HMSD: variants seen among roughly 807,000 people sequenced by gnomAD.
HMSD encodes the protein serpin-like protein HMSD.
Under a neutral mutation model 10.0 loss-of-function variants are expected in HMSD, and 13 were observed. The observed-to-expected ratio is 1.31, with a 90% confidence interval of 0.85 to 2.08. The LOEUF (loss-of-function observed/expected upper bound fraction) is 2.08, where lower values mean the gene tolerates loss of function less well. Among genes scored for constraint, HMSD ranks in the 30% most tolerant of loss-of-function variants. The probability of loss-of-function intolerance (pLI) is 0.00; values close to 1 mark genes in which losing one functional copy is unlikely to be tolerated. For synonymous variants in HMSD, 51 were observed against 54.2 expected (o/e 0.94, Z 0.26); for missense variants, 169 against 166.3 (o/e 1.02, Z -0.09).
At chr18:63,962,751 A>G (rs768754536), downstream of HMSD, among the ~76,000 whole-genome samples, 17 of 152,184 alleles carry the variant, frequency 1.1e-4, no homozygotes, top group Non-Finnish European at 1.9e-4. Flanking sequence ...TTGGAGACTG[A>G]GAAGATGGAG....
At chr18:63,950,280 G>C (rs1467174642) in intron 1 of HMSD, among the ~76,000 whole-genome samples, 2 of 151,726 alleles carry the variant, frequency 1.3e-5, no homozygotes, top group Admixed American at 6.6e-5. Flanking sequence ...GCCGGGTGTC[G>C]TGACATGGGC....
intron 3 of HMSD, chr18:63,968,357 ACAC>A (rs1423283356): frequency 6.6e-6 from 1 of 152,242 alleles, no homozygotes; most frequent in African/African-American, 2.4e-5. Flanking sequence ...GAACGAAGAA[ACAC>A]CACCAACAGC....
At chr18:63,967,126 G>A (rs531298439) in intron 3 of HMSD, among the ~76,000 whole-genome samples, 3 of 137,612 alleles carry the variant, frequency 2.2e-5, no homozygotes, top group South Asian at 4.5e-4. Flanking sequence ...TTGGAACTCC[G>A]GTGAGACTCT....
chr18:63,968,464 T>C (rs1568262799), intron 3 of HMSD: 1 of 152,288 alleles, frequency 6.6e-6, no homozygotes, highest in East Asian at 1.9e-4. Flanking sequence ...CAGGCCTGGA[T>C]ACGTCATGGT....
chr18:63,953,883 G>T (rs1485713868), intron 2 of HMSD, among the ~76,000 whole-genome samples: 1 of 152,252 alleles, frequency 6.6e-6, no homozygotes, highest in African/African-American at 2.4e-5. Context: ...TGGGCTTCTC[G>T]ACCACGGTAG....
chr18:63,963,088 T>C (rs1476720768), downstream of HMSD, among the ~76,000 whole-genome samples: 1 of 99,892 alleles, frequency 1.0e-5, no homozygotes, highest in Non-Finnish European at 2.0e-5. Context: ...TTTCTTTCTT[T>C]CTTTCTTTCT....
chr18:63,957,242 A>C lies in HMSD; in HGVS notation c.222+2685A>C, dbSNP rs1293453660. 3.3e-5 allele frequency among the ~76,000 whole-genome samples: 5 copies of C among 152,162 alleles called. No individual in the cohort carries two copies. The East Asian group carries it at 9.6e-4, about 29-fold the overall frequency. ...ACCTAAAATAAAGTTTTTAAAAAAGAATCTGAGATGGAATATTTACAACAT... is the reference window on the plus strand; with the variant it reads ...ACCTAAAATAAAGTTTTTAAAAAAGCATCTGAGATGGAATATTTACAACAT... On this transcript the variant is annotated intron_variant, in intron 3 of 3. Coordinates refer to ENST00000408945, the MANE Select transcript of HMSD (RefSeq NM_001123366.2).
downstream of HMSD, among the ~76,000 whole-genome samples, chr18:63,964,397 G>A (rs1722782594): frequency 6.6e-6 from 1 of 152,096 alleles, no homozygotes; most frequent in Admixed American, 6.6e-5. Context: ...AAAATTAACT[G>A]GGCATGGTGG....
downstream of HMSD, among the ~76,000 whole-genome samples, chr18:63,963,227 G>GCTTC (rs1377691451): frequency 4.5e-5 from 3 of 66,266 alleles, no homozygotes; most frequent in South Asian, 1.2e-3. Context: ...TTCCTTCCTT[G>GCTTC]CTTCCTTCCT....
chr18:63,952,288 T>TAAA (rs1002839127), intron 1 of HMSD, among the ~76,000 whole-genome samples: 1 of 146,670 alleles, frequency 6.8e-6, no homozygotes, highest in Non-Finnish European at 1.5e-5. Flanking sequence ...AGTATAATAA[T>TAAA]AAAAAAAAAA....
intron 3 of HMSD, 45 bp downstream of exon 3, chr18:63,954,602 T>G: frequency 6.4e-7 from 1 of 1,550,608 alleles, no homozygotes. Flanking sequence ...AGCAATGTGG[T>G]GGGAAGTAGG....
chr18:63,963,046 TTTTCTTTCTTTCTTTCTTTTCTTTCTC>T (rs1295544494), downstream of HMSD, among the ~76,000 whole-genome samples: 21 of 125,432 alleles, frequency 1.7e-4, no homozygotes, highest in African/African-American at 6.6e-4. Flanking sequence ...TCAGATGTAG[TTTTCTTTCTTTCTTTCTTTTCTTTCTC>T]TTTCTTTCTT....
At chr18:63,952,232 A>G (rs946652822) in intron 1 of HMSD, among the ~76,000 whole-genome samples, 1 of 151,702 alleles carries the variant, frequency 6.6e-6, no homozygotes, top group East Asian at 1.9e-4. Flanking sequence ...TGGCACATGT[A>G]TACATAACTA....
At chr18:63,952,047 C>T (rs2050333315) in intron 1 of HMSD, among the ~76,000 whole-genome samples, 1 of 148,036 alleles carries the variant, frequency 6.8e-6, no homozygotes, top group Admixed American at 6.9e-5. Context: ...GAACAAAAAA[C>T]CAAACACCGC....
chr18:63,950,636 A>G (rs986786101), intron 1 of HMSD, among the ~76,000 whole-genome samples: 58 of 151,976 alleles, frequency 3.8e-4, no homozygotes, highest in African/African-American at 1.3e-3. Context: ...ACTTGTGGAT[A>G]GAACTCTGTG....
chr18:63,963,075 TTC>T (rs1160121232), downstream of HMSD, among the ~76,000 whole-genome samples: 1 of 26,764 alleles, frequency 3.7e-5, no homozygotes, highest in Non-Finnish European at 9.0e-5. Flanking sequence ...TTCTTTCTCT[TTC>T]TTTCTTTCTT....
At chr18:63,954,339 C>T in intron 2 of HMSD, 69 bp from the exon 3 acceptor site, 1 of 1,064,508 alleles carries the variant, frequency 9.4e-7, no homozygotes, top group African/African-American at 1.6e-5. Flanking sequence ...GCTGAGTTTA[C>T]TGTTGTGCCT....
chr18:63,957,307 C>CAA (rs55978412), intron 3 of HMSD, among the ~76,000 whole-genome samples: 179 of 144,122 alleles, frequency 1.2e-3, no homozygotes, highest in African/African-American at 4.3e-3. Context: ...AGAGAAGCAA[C>CAA]AAAAAAAAAA....
intron 3 of HMSD, among the ~76,000 whole-genome samples, chr18:63,967,394 A>G (rs1048970815): frequency 6.6e-6 from 1 of 152,168 alleles, no homozygotes; most frequent in African/African-American, 2.4e-5. Flanking sequence ...TCGGCCTCCA[A>G]AAGTGCTGGG....
Sources: allele counts gnomAD v4.1 joint callset (sites outside exome capture counted in the v4.1 genomes callset), GRCh38; gene constraint gnomAD v4.1.1; transcripts MANE v1.5; gene names NCBI Gene and HGNC (gene_info 2026-07-23, HGNC 2026-07-21).